The following REC8 variants were observed in gnomAD, a reference collection of about 807,000 sequenced individuals.
REC8 encodes REC8 meiotic recombination protein.
Under a neutral mutation model 78.3 loss-of-function variants are expected in REC8, and 42 were observed. That is an observed-to-expected ratio of 0.54 (90% CI 0.42 to 0.69). The LOEUF is 0.69. REC8 is among the 30% of genes least tolerant of loss of function. The pLI is 0.00. For missense variants in REC8, 581 were observed against 715.8 expected (o/e 0.81, Z 2.15); for synonymous variants, 268 against 274.1 (o/e 0.98, Z 0.22).
chr14:24,180,255 G>A (rs2039104501), downstream of REC8: 2 of 1,555,612 alleles, frequency 1.3e-6, no homozygotes, highest in African/African-American at 2.7e-5. Context: ...TTTTATTACA[G>A]TATGATGTCA....
chr14:24,175,491 A>C, intron 5 of REC8, 52 bp from the exon 6 acceptor site: 3 of 1,410,564 alleles, frequency 2.1e-6, no homozygotes, highest in Non-Finnish European at 3.0e-6. Context: ...AAAGTGGGAA[A>C]GCAGGGGGCT....
In REC8 at chr14:24,178,591, T is replaced by TCCCC. The variant is rs777953088; in HGVS notation, c.997-13_997-10dup. Reference sequence around the variant, plus strand: ...TGCTTTATAATGGGGCTTCTGACCTTCCCCCACTACACAGCCTATGGTGCA... The same window carrying TCCCC: ...TGCTTTATAATGGGGCTTCTGACCTTCCCCCCCCCACTACACAGCCTATGGTGCA... On this transcript the variant is annotated splice_polypyrimidine_tract_variant and intron_variant, in intron 12 of 18. Coordinates refer to ENST00000611366, the MANE Select transcript of REC8 (RefSeq NM_001048205.2). 12 of 1,613,202 alleles carry TCCCC rather than the reference T, an allele frequency of 7.4e-6. No individual in the cohort carries two copies. In the South Asian group the frequency reaches 8.8e-5, roughly 12 times the overall value.
chr14:24,178,849 G>C lies in REC8; in HGVS notation c.1136G>C (p.Arg379Pro). 1.9e-6 allele frequency: 3 copies of C among 1,613,640 alleles called. No individual in the cohort carries two copies. The highest frequency in any genetic ancestry group is 2.5e-6 in the Non-Finnish European group (3 of 1,179,944). ...CAGCCACCCCCAAAAGCCCTCAGGC[G>C]AGAGCTGCCTGAGGAGGCAGCCGCT... ...CAQPPPKALR[R>P]ELPEEAAAEE... Residue 379 changes from arginine (R) to proline (P), a missense_variant, in exon 14 of 19, where the codon CGA (arginine) becomes CCA (proline). Physicochemically the swap from Arg to Pro is moderately radical, Grantham distance 103. Transcript: ENST00000611366.
In REC8 at chr14:24,176,848, C is replaced by T. The variant is rs1055724711; in HGVS notation, c.571C>T (p.Pro191Ser). 2 of 1,613,672 alleles carry T rather than the reference C, an allele frequency of 1.2e-6. No homozygotes were observed. Among genetic ancestry groups the T allele is most frequent in the East Asian group, 2.2e-5 (1 of 44,894 alleles). ...GAGGATTCCGGTCACTGTGCTGCCA[C>T]CTGAGGCCATCACGATCCTGGAGGC... ...PERIPVTVLP[P>S]EAITILEAEP... The change falls in exon 7 of 19, where the codon CCT (proline) becomes TCT (serine). Residue 191 changes from proline (P) to serine (S), a missense_variant. Physicochemically the swap from Pro to Ser is moderately conservative, Grantham distance 74. Coordinates refer to ENST00000611366, the MANE Select transcript of REC8 (RefSeq NM_001048205.2).
chr14:24,179,964 C>T (rs142040563), intron 18 of REC8, 46 bp from the exon 19 acceptor site: 27 of 1,614,030 alleles, frequency 1.7e-5, no homozygotes, highest in East Asian at 4.5e-5. Flanking sequence ...ACCAGAGGCC[C>T]GTACAGGGAC....
intron 6 of REC8, among the ~76,000 whole-genome samples, chr14:24,176,570 C>G (rs1422117568): frequency 6.6e-6 from 1 of 151,994 alleles, no homozygotes; most frequent in Non-Finnish European, 1.5e-5. Context: ...CCTCAAACTC[C>G]TGGGCTCAAG....
chr14:24,178,993 G>A lies in REC8; in HGVS notation c.1203+77G>A, dbSNP rs2039033486. The A allele has an allele frequency of 2.9e-5, 47 of 1,601,786 alleles. No homozygotes were observed. The South Asian group carries it at 4.4e-4, about 15-fold the overall frequency. Reference sequence around the variant, plus strand: ...CCAGCTGGCTGCCCTCTCCTGCTATGAGAGCCAACAGCACAGGCTCACTGG... The same window carrying A: ...CCAGCTGGCTGCCCTCTCCTGCTATAAGAGCCAACAGCACAGGCTCACTGG... On this transcript the variant is annotated intron_variant, in intron 14 of 18. Coordinates refer to ENST00000611366, the MANE Select transcript of REC8 (RefSeq NM_001048205.2).
chr14:24,180,091 A>G lies in REC8; in HGVS notation c.1640A>G (p.His547Arg), dbSNP rs2039097543. The change falls in exon 19 of 19, where the codon CAC (histidine) becomes CGC (arginine). Residue 547 changes from histidine (H) to arginine (R), a missense_variant. Coordinates refer to ENST00000611366, the MANE Select transcript of REC8 (RefSeq NM_001048205.2). The part of the protein sequence containing the change: ...RLLIQPGPRF[H>R] ...CTGATCCAGCCGGGGCCCAGATTCC[A>G]CTGAGGTTAGAGTCCATTTACAAAG... The G allele has an allele frequency of 1.9e-6, 3 of 1,614,132 alleles. No individual in the cohort carries two copies. The African/African-American group carries it at 4.0e-5, about 22-fold the overall frequency.
chr14:24,177,047 T>A (rs757013602), intron 7 of REC8, 94 bp from the exon 8 acceptor site: 11 of 1,382,890 alleles, frequency 8.0e-6, no homozygotes, highest in Non-Finnish European at 1.1e-5. Context: ...AACCTGGCCC[T>A]GTGGCATGCC....
At chr14:24,180,336 G>T, downstream of REC8, 1 of 1,507,442 alleles carries the variant, frequency 6.6e-7, no homozygotes, top group Non-Finnish European at 8.9e-7. Flanking sequence ...GCTCCAAATG[G>T]GTATGAGTCT....
In REC8 at chr14:24,172,700, C is replaced by T. The variant is rs2038718630; in HGVS notation, c.57-13C>T. On this transcript the variant is annotated splice_polypyrimidine_tract_variant and intron_variant, in intron 1 of 18. Transcript: ENST00000611366. ...CTCCATCCCCATTCTCCCACCTTCC[C>T]CACCCACTTCAGGCTGGCGGCGACT... is the stretch of plus-strand genomic sequence containing the variant. The T allele has an allele frequency of 6.2e-7, 1 of 1,614,120 alleles. No individual in the cohort carries two copies. The highest frequency in any genetic ancestry group is 1.3e-5 in the African/African-American group (1 of 74,956).
chr14:24,176,564 A>T (rs2038909113), intron 6 of REC8, among the ~76,000 whole-genome samples: 1 of 151,836 alleles, frequency 6.6e-6, no homozygotes, highest in African/African-American at 2.4e-5. Context: ...GGCTGGCCTC[A>T]AACTCCTGGG....
At chr14:24,175,747 G>C (rs2038867677) in intron 6 of REC8, 123 bp downstream of exon 6, 2 of 666,476 alleles carry the variant, frequency 3.0e-6, no homozygotes, top group Non-Finnish European at 5.2e-6. Context: ...TTTCGAGGCA[G>C]AGTCTCACTC....
At chr14:24,173,484 T>C (rs1172026867) in intron 5 of REC8, 73 bp downstream of exon 5, 1 of 1,585,488 alleles carries the variant, frequency 6.3e-7, no homozygotes, top group Admixed American at 1.7e-5. Flanking sequence ...CACTCTGACA[T>C]TGGGGTTGGG....
Position 24,179,579 on chromosome 14 carries a change from TCTC to T in REC8, c.1320-15_1320-13del. On this transcript the variant is annotated splice_polypyrimidine_tract_variant and intron_variant, in intron 16 of 18. Transcript: ENST00000611366. ...GTCACAGCTGCCACCTTCCCTACTC[TCTC>T]ATGTCCTCCTAGGGCCTGGCCTGAG... 1.9e-6 allele frequency: 3 copies of T among 1,613,884 alleles called. No homozygotes were observed. Among genetic ancestry groups the T allele is most frequent in the Non-Finnish European group, 2.5e-6 (3 of 1,179,842 alleles).
intron 7 of REC8, 54 bp from the exon 8 acceptor site, chr14:24,177,087 C>T: frequency 1.9e-6 from 3 of 1,564,326 alleles, no homozygotes; most frequent in South Asian, 1.1e-5. Flanking sequence ...GATCCACTTG[C>T]CTTTTTCAGA....
At position 24,173,380 on chromosome 14, in the gene REC8, C is replaced by T. The variant is rs1167541865; in HGVS notation, c.431C>T (p.Pro144Leu). Residue 144 changes from proline (P) to leucine (L), a missense_variant, in exon 5 of 19, where the codon CCC becomes CTC. By Grantham distance (98) the Pro-to-Leu change is moderately conservative (BLOSUM62 -3). Transcript: ENST00000611366. Reference sequence around the variant, plus strand: ...TTTTTTGGGATGATGTCTGTGGATCCCAGACTTCCTAGTCCTTTCGATATC... The same window carrying T: ...TTTTTTGGGATGATGTCTGTGGATCTCAGACTTCCTAGTCCTTTCGATATC... ...DPFFGMMSVD[P>L]RLPSPFDIPQ... is the part of the protein sequence containing the mutation. The T allele has an allele frequency of 6.2e-7, 1 of 1,614,084 alleles. No homozygotes were observed. The highest frequency in any genetic ancestry group is 1.7e-5 in the Admixed American group (1 of 60,016).
At chr14:24,180,599 C>T (rs767417313), downstream of REC8, 23 of 1,611,982 alleles carry the variant, frequency 1.4e-5, no homozygotes, top group South Asian at 9.9e-5. Flanking sequence ...GGAGAAAGGT[C>T]GGGGCTCCTA....
intron 6 of REC8, 102 bp downstream of exon 6, chr14:24,175,726 CTT>C (rs386380908): frequency 7.7e-3 from 4,493 of 585,826 alleles, no homozygotes; most frequent in South Asian, 0.01. Flanking sequence ...GTGAGGGGCG[CTT>C]TTTTTTTTTT....
Sources: allele counts gnomAD v4.1 joint callset (sites outside exome capture counted in the v4.1 genomes callset), GRCh38; gene constraint gnomAD v4.1.1; transcripts MANE v1.5; gene names NCBI Gene and HGNC (gene_info 2026-07-23, HGNC 2026-07-21).